The following ADCY8 variants were observed in gnomAD, a reference collection of about 807,000 sequenced individuals.
ADCY8 encodes adenylate cyclase 8.
Under a neutral mutation model 119.7 loss-of-function variants are expected in ADCY8, and 51 were observed. That is an observed-to-expected ratio of 0.43 (90% CI 0.34 to 0.54). The LOEUF (loss-of-function observed/expected upper bound fraction) is 0.54. ADCY8 is among the 20% of genes least tolerant of loss of function. ADCY8 has a pLI of 0.03. For synonymous variants in ADCY8, 665 were observed against 651.0 expected, an observed-to-expected ratio of 1.02 and a Z score of -0.33; for missense variants, 1,383 against 1,598.8, an observed-to-expected ratio of 0.87 and a Z score of 2.30.
At chr8:130,836,110 C>T (rs923564174) in intron 12 of ADCY8, among the ~76,000 whole-genome samples, 167 bp downstream of exon 12, 1 of 152,128 alleles carries the variant, frequency 6.6e-6, no homozygotes, top group Non-Finnish European at 1.5e-5. Flanking sequence ...ACTGAAAAGT[C>T]AGGATTTTTG....
At chr8:130,869,011 T>C in intron 8 of ADCY8, among the ~76,000 whole-genome samples, 1 of 152,224 alleles carries the variant, frequency 6.6e-6, no homozygotes, top group East Asian at 1.9e-4. Flanking sequence ...TGATTTTTAT[T>C]CTTTTCTGAC....
Position 130,946,408 on chromosome 8 carries a change from G to C in ADCY8, c.1242-2946C>G, listed in dbSNP as rs115967995. On this transcript the variant is annotated intron_variant, in intron 3 of 17. Coordinates refer to ENST00000286355, the MANE Select transcript of ADCY8 (RefSeq NM_001115.3). ...GCACCTGTATCTTTGTACATGCTAT[G>C]CCTGCTCCCTGGTATAGATTTTTCC... is the stretch of plus-strand genomic sequence containing the variant. Among the ~76,000 whole-genome samples the C allele has an allele frequency of 9.6e-3, 1,460 of 152,218 alleles. 23 individuals carry two copies. Among genetic ancestry groups the C allele is most frequent in the African/African-American group, 0.032 (1,317 of 41,534 alleles).
rs564183546 is a variant in ADCY8 at position 131,040,235 on chromosome 8, C to A, written c.99G>T (p.Pro33=). The A allele has an allele frequency of 5.6e-5, 86 of 1,544,166 alleles. No individual in the cohort carries two copies. The African/African-American group carries it at 1.1e-3, about 20-fold the overall frequency. The part of the protein sequence containing the change: ...PAGDGRSASR[P]QRLLWQTAVR... ...CCGCCGTCTGCCACAGCAGCCGCTG[C>A]GGCCGGGAGGCGCTCCTGCCGTCGC... The change falls in exon 1 of 18, where the codon CCG becomes CCT. Residue 33 remains proline, a synonymous_variant. Coordinates refer to ENST00000286355, the MANE Select transcript of ADCY8 (RefSeq NM_001115.3).
At chr8:131,035,395 T>A (rs1824121992) in intron 1 of ADCY8, among the ~76,000 whole-genome samples, 1 of 152,158 alleles carries the variant, frequency 6.6e-6, no homozygotes, top group Non-Finnish European at 1.5e-5. Flanking sequence ...TAGACAATAA[T>A]CTCTTTGTTG....
chr8:130,818,864 T>A (rs1816424718), intron 13 of ADCY8, among the ~76,000 whole-genome samples: 1 of 152,228 alleles, frequency 6.6e-6, no homozygotes. Flanking sequence ...GGATTCCCGC[T>A]CCAGTCTGGC....
At position 130,903,852 on chromosome 8, in the gene ADCY8, G is replaced by GTGAA; in HGVS notation, c.1830_1831insTTCA (p.Arg611PhefsTer11). On this transcript the variant is annotated frameshift_variant, in exon 7 of 18. Transcript: ENST00000286355. LOFTEE classifies it high-confidence loss of function. ...GTGAATGTGGCCCCACTGTTTCTCCGGTCTGAGGAGCTCACTGACTCCTTG... is the reference window on the plus strand; with the variant it reads ...GTGAATGTGGCCCCACTGTTTCTCCGTGAAGTCTGAGGAGCTCACTGACTCCTTG... 6.2e-7 allele frequency: 1 copy of GTGAA among 1,613,906 alleles called. No individual in the cohort carries two copies. The highest frequency in any genetic ancestry group is 8.5e-7 in the Non-Finnish European group (1 of 1,179,978).
At chr8:130,941,555 A>G (rs1820956960) in intron 4 of ADCY8, among the ~76,000 whole-genome samples, 1 of 152,214 alleles carries the variant, frequency 6.6e-6, no homozygotes, top group Admixed American at 6.5e-5. Flanking sequence ...CACTGATGCA[A>G]CAATAAAAGG....
chr8:130,814,770 G>A (rs192700332), intron 13 of ADCY8, among the ~76,000 whole-genome samples: 1 of 152,208 alleles, frequency 6.6e-6, no homozygotes, highest in African/African-American at 2.4e-5. Context: ...AGAACAGTAT[G>A]GGGGAAACTG....
At chr8:130,940,146 G>A (rs966066330) in intron 4 of ADCY8, among the ~76,000 whole-genome samples, 10 of 152,216 alleles carry the variant, frequency 6.6e-5, no homozygotes, top group African/African-American at 2.4e-4. Flanking sequence ...TCTAAGTCAC[G>A]TGTCATCTTA....
At chr8:130,917,886 A>G (rs1177916330) in intron 5 of ADCY8, among the ~76,000 whole-genome samples, 1 of 151,352 alleles carries the variant, frequency 6.6e-6, no homozygotes, top group African/African-American at 2.4e-5. Context: ...TCCTTTTCCA[A>G]CGTGCCCTCT....
chr8:131,038,580 A>G (rs941144671), intron 1 of ADCY8, among the ~76,000 whole-genome samples: 3 of 152,162 alleles, frequency 2.0e-5, no homozygotes, highest in African/African-American at 7.2e-5. Context: ...GGAAGAATAG[A>G]AAAAAAAGGA....
At chr8:131,002,725 A>G (rs1822990841) in intron 1 of ADCY8, among the ~76,000 whole-genome samples, 1 of 152,164 alleles carries the variant, frequency 6.6e-6, no homozygotes, top group Admixed American at 6.5e-5. Context: ...TAAAATAAAT[A>G]AAAGAGTAAA....
At chr8:130,854,319 A>C (rs895795083) in intron 9 of ADCY8, among the ~76,000 whole-genome samples, 1 of 152,248 alleles carries the variant, frequency 6.6e-6, no homozygotes, top group African/African-American at 2.4e-5. Flanking sequence ...GCAAAGCTCT[A>C]TCCAAATCAT....
chr8:130,827,102 A>G (rs1171256224), intron 12 of ADCY8, among the ~76,000 whole-genome samples: 2 of 152,236 alleles, frequency 1.3e-5, no homozygotes, highest in African/African-American at 4.8e-5. Flanking sequence ...TATGTTCTTG[A>G]TGTTCTGCGG....
intron 5 of ADCY8, among the ~76,000 whole-genome samples, chr8:130,911,329 A>T (rs1819973650): frequency 6.6e-6 from 1 of 152,192 alleles, no homozygotes; most frequent in Non-Finnish European, 1.5e-5. Context: ...CTAATGTTTA[A>T]ATATCTTCTA....
chr8:130,884,661 ATTCTC>A lies in ADCY8; in HGVS notation c.2007_2011del (p.Lys669AsnfsTer12). On this transcript the variant is annotated frameshift_variant, in exon 8 of 18. Coordinates refer to ENST00000286355, the MANE Select transcript of ADCY8 (RefSeq NM_001115.3). LOFTEE classifies it high-confidence loss of function. Reference sequence around the variant, plus strand: ...ACTCCGCAAGTCGATGGTATGTTCTATTCTCTTGTTAATTTCCTCAGGCCCAGACT... The same window carrying A: ...ACTCCGCAAGTCGATGGTATGTTCTATTGTTAATTTCCTCAGGCCCAGACT... 1 of 1,613,862 alleles carries A rather than the reference ATTCTC, an allele frequency of 6.2e-7. No individual in the cohort carries two copies. Among genetic ancestry groups the A allele is most frequent in the Middle Eastern group, 1.7e-4 (1 of 6,058 alleles).
intron 7 of ADCY8, among the ~76,000 whole-genome samples, chr8:130,894,654 T>C (rs1819321181): frequency 6.6e-6 from 1 of 152,170 alleles, no homozygotes; most frequent in Admixed American, 6.5e-5. Flanking sequence ...GTATGCTTAC[T>C]GAAGATAAGC....
chr8:130,909,457 G>T (rs1343107826), intron 6 of ADCY8, among the ~76,000 whole-genome samples: 1 of 152,184 alleles, frequency 6.6e-6, no homozygotes, highest in Non-Finnish European at 1.5e-5. Context: ...CGAATGTGCA[G>T]CCAAGTCTAA....
intron 5 of ADCY8, among the ~76,000 whole-genome samples, chr8:130,925,994 A>G (rs1820454857): frequency 6.6e-6 from 1 of 152,134 alleles, no homozygotes. Context: ...TGACATCCAG[A>G]TCTGACCATG....
Sources: allele counts gnomAD v4.1 joint callset (sites outside exome capture counted in the v4.1 genomes callset), GRCh38; gene constraint gnomAD v4.1.1; transcripts MANE v1.5; gene names NCBI Gene and HGNC (gene_info 2026-07-23, HGNC 2026-07-21).